Variants in MAF observed in about 807,000 individuals in gnomAD.
MAF encodes MAF bZIP transcription factor.
MAF carries 10 observed loss-of-function variants against 22.0 expected under a neutral mutation model. That is an observed-to-expected ratio of 0.45 (90% CI 0.28 to 0.77). The LOEUF is 0.77. MAF is among the 30% of genes least tolerant of loss of function. The pLI, the probability that MAF is intolerant of heterozygous loss-of-function variation, is 0.12. For synonymous variants in MAF, 337 were observed against 255.8 expected, an observed-to-expected ratio of 1.32 and a Z score of -3.03; for missense variants, 544 against 548.4, an observed-to-expected ratio of 0.99 and a Z score of 0.08.
chr16:79,208,631 A>ATCT, the MAF span, among the ~76,000 whole-genome samples: 2,494 of 151,188 alleles, frequency 0.016, 64 homozygotes, highest in African/African-American at 0.057. Context: ...TGCTCTTTAA[A>ATCT]TTTTTTTTTT....
At chr16:79,247,936 T>A in the MAF span, among the ~76,000 whole-genome samples, 2 of 152,202 alleles carry the variant, frequency 1.3e-5, no homozygotes, top group Non-Finnish European at 2.9e-5. Context: ...TCCTTCTAAA[T>A]GTGCTTATAA....
chr16:79,390,021 C>T, the MAF span, among the ~76,000 whole-genome samples: 1 of 145,944 alleles, frequency 6.9e-6, no homozygotes, highest in African/African-American at 2.5e-5. Flanking sequence ...AAAAAAAAAT[C>T]CTTAGATTTT....
chr16:79,251,177 C>G, the MAF span, among the ~76,000 whole-genome samples: 13 of 152,176 alleles, frequency 8.5e-5, no homozygotes, highest in African/African-American at 2.7e-4. Flanking sequence ...CCAAAACTGA[C>G]CAACCTGAAC....
At chr16:79,530,835 A>C in the MAF span, among the ~76,000 whole-genome samples, 1 of 152,204 alleles carries the variant, frequency 6.6e-6, no homozygotes, top group Admixed American at 6.5e-5. Context: ...GTAAAACGGC[A>C]GGTCTATGGG....
At chr16:79,281,262 G>A in the MAF span, among the ~76,000 whole-genome samples, 1 of 149,932 alleles carries the variant, frequency 6.7e-6, no homozygotes, top group African/African-American at 2.5e-5. Flanking sequence ...ATGAGCAAAG[G>A]GTATTAGGTA....
chr16:79,442,870 T>C, the MAF span, among the ~76,000 whole-genome samples: 2 of 152,176 alleles, frequency 1.3e-5, no homozygotes, highest in Admixed American at 1.3e-4. Context: ...GGAAATCTAG[T>C]CCTGGCTGTA....
At chr16:79,446,155 T>A in the MAF span, among the ~76,000 whole-genome samples, 6 of 152,280 alleles carry the variant, frequency 3.9e-5, no homozygotes, top group South Asian at 1.0e-3. Context: ...CTCATTTTCA[T>A]CAATGGAAGG....
the MAF span, among the ~76,000 whole-genome samples, chr16:79,511,228 G>A: frequency 9.9e-5 from 15 of 151,342 alleles, no homozygotes; most frequent in African/African-American, 2.4e-4. Context: ...TGCCAACCCC[G>A]AAAAGGAGTT....
At chr16:79,248,477 G>C in the MAF span, among the ~76,000 whole-genome samples, 3 of 151,990 alleles carry the variant, frequency 2.0e-5, no homozygotes, top group East Asian at 5.8e-4. Flanking sequence ...TCCTTTCATA[G>C]TCAGAGACTT....
At chr16:79,444,154 T>C in the MAF span, among the ~76,000 whole-genome samples, 2 of 152,022 alleles carry the variant, frequency 1.3e-5, no homozygotes, top group African/African-American at 4.8e-5. Context: ...AAATATGTAT[T>C]ATAGTAACAT....
the MAF span, among the ~76,000 whole-genome samples, chr16:79,572,211 G>A: frequency 6.6e-6 from 1 of 152,102 alleles, no homozygotes; most frequent in Non-Finnish European, 1.5e-5. Flanking sequence ...ATCCTGTATC[G>A]GTGGAGGGGA....
chr16:79,330,590 G>A, the MAF span, among the ~76,000 whole-genome samples: 1 of 152,172 alleles, frequency 6.6e-6, no homozygotes, highest in African/African-American at 2.4e-5. Context: ...ACACCAGTGG[G>A]GAAAGACAGA....
the MAF span, among the ~76,000 whole-genome samples, chr16:79,359,746 C>A: frequency 6.6e-6 from 1 of 152,134 alleles, no homozygotes; most frequent in Non-Finnish European, 1.5e-5. Flanking sequence ...GAGGTAAGTG[C>A]AGAGTAGGAC....
downstream of MAF, among the ~76,000 whole-genome samples, chr16:79,582,020 A>C (rs1471118490): frequency 6.6e-6 from 1 of 152,206 alleles, no homozygotes; most frequent in Non-Finnish European, 1.5e-5. Context: ...TACAGAAAAC[A>C]GAGGCGTGCT....
the MAF span, among the ~76,000 whole-genome samples, chr16:79,411,586 G>C: frequency 6.6e-6 from 1 of 152,158 alleles, no homozygotes; most frequent in Non-Finnish European, 1.5e-5. Context: ...GAGTGATGGA[G>C]GCAACCTATA....
At chr16:79,261,033 G>C in the MAF span, among the ~76,000 whole-genome samples, 2 of 152,162 alleles carry the variant, frequency 1.3e-5, no homozygotes, top group Non-Finnish European at 2.9e-5. Flanking sequence ...AATGAGGCTT[G>C]AGATGAGGGC....
the MAF span, among the ~76,000 whole-genome samples, chr16:79,279,646 G>C: frequency 1.4e-4 from 22 of 152,258 alleles, no homozygotes; most frequent in African/African-American, 4.6e-4. Context: ...ACTAAAGTGT[G>C]AACCCCCAGA....
the MAF span, among the ~76,000 whole-genome samples, chr16:79,525,878 G>T: frequency 1.3e-5 from 2 of 152,148 alleles, no homozygotes; most frequent in East Asian, 3.9e-4. Context: ...TCGCGAGAAA[G>T]AATACAGTTA....
the MAF span, among the ~76,000 whole-genome samples, chr16:79,402,004 G>A: frequency 2.0e-5 from 3 of 152,152 alleles, no homozygotes; most frequent in African/African-American, 7.2e-5. Context: ...GGCCAAAGAG[G>A]TTAAATGCCC....
Sources: gnomAD v4.1 joint callset for allele counts (sites outside exome capture counted in the v4.1 genomes callset) on GRCh38, gnomAD v4.1.1 for gene constraint, MANE v1.5 for transcripts, NCBI Gene and HGNC (gene_info 2026-07-23, HGNC 2026-07-21) for gene names.